RAB8B: variants seen among roughly 807,000 people sequenced by gnomAD.
RAB8B encodes the protein RAB8B, member RAS oncogene family, also known as ras-related protein Rab-8B.
A neutral mutation model predicts 32.0 loss-of-function variants in RAB8B; 11 were observed. The ratio of observed to expected loss-of-function variants is 0.34; its 90% CI spans 0.22 to 0.57. The LOEUF (loss-of-function observed/expected upper bound fraction) is 0.57. RAB8B is among the 20% of genes least tolerant of loss of function. RAB8B has a pLI of 0.86. For synonymous variants in RAB8B, 103 were observed against 89.6 expected (o/e 1.15, Z -0.85); for missense variants, 190 against 258.5 (o/e 0.73, Z 1.82).
In RAB8B at chr15:63,263,532, C is replaced by T. The variant is rs1567022732; in HGVS notation, c.537C>T (p.Asp179=). ...IMTKLNRKMN[D]SNSAGAGGPV... ...CTTCATCTTCTATTTTTTAGAATGA[C>T]AGCAATTCAGCAGGAGCAGGTGGAC... Residue 179 remains aspartate (D), a synonymous_variant, in exon 8 of 8, where the codon GAC becomes GAT. Coordinates refer to ENST00000321437, the MANE Select transcript of RAB8B (RefSeq NM_016530.3). The T allele has an allele frequency of 1.2e-6, 2 of 1,608,826 alleles. No individual in the cohort carries two copies. Among genetic ancestry groups the T allele is most frequent in the South Asian group, 1.1e-5 (1 of 90,942 alleles).
At chr15:63,240,495 C>T (rs972999509) in intron 1 of RAB8B, among the ~76,000 whole-genome samples, 3 of 152,068 alleles carry the variant, frequency 2.0e-5, no homozygotes, top group Non-Finnish European at 4.4e-5. Context: ...ACAGTTCAGT[C>T]ATTAAACTGA....
chr15:63,251,445 C>G (rs988216735), intron 3 of RAB8B: 1 of 384,390 alleles, frequency 2.6e-6, no homozygotes, highest in African/African-American at 2.1e-5. Context: ...CTCATTTTCA[C>G]TGGAGGGTGG....
At position 63,218,464 on chromosome 15, in the gene RAB8B, C is replaced by A. The variant is rs2141120118; in HGVS notation, c.125-26292C>A. The stretch of plus-strand genomic sequence containing the variant: ...TATCTTGAAGAATATCGTTGGACTC[C>A]ACTATACGGGGTTATCTAATCTGAA... On this transcript the variant is annotated intron_variant, in intron 1 of 7. Transcript: ENST00000321437. 2.0e-5 allele frequency among the ~76,000 whole-genome samples: 3 copies of A among 152,290 alleles called. No individual in the cohort carries two copies. The South Asian group carries it at 6.2e-4, about 32-fold the overall frequency.
chr15:63,243,346 A>G (rs1451771952), intron 1 of RAB8B, among the ~76,000 whole-genome samples: 1 of 152,222 alleles, frequency 6.6e-6, no homozygotes, highest in Non-Finnish European at 1.5e-5. Flanking sequence ...AATCTAAACA[A>G]AGCTGAGTAG....
At chr15:63,239,603 G>C (rs534498656) in intron 1 of RAB8B, among the ~76,000 whole-genome samples, 1 of 151,904 alleles carries the variant, frequency 6.6e-6, no homozygotes, top group African/African-American at 2.4e-5. Context: ...TAGAGTAGGG[G>C]TTTTGCCATG....
intron 3 of RAB8B, among the ~76,000 whole-genome samples, chr15:63,249,933 G>A (rs912534181): frequency 6.6e-6 from 1 of 151,400 alleles, no homozygotes; most frequent in Non-Finnish European, 1.5e-5. Flanking sequence ...TCAGGAGATC[G>A]AGACCATCCT....
At chr15:63,213,944 T>C (rs1164567815) in intron 1 of RAB8B, among the ~76,000 whole-genome samples, 3 of 151,904 alleles carry the variant, frequency 2.0e-5, no homozygotes, top group African/African-American at 7.3e-5. Context: ...AGCTGGGCGT[T>C]GTGGCATGTG....
intron 3 of RAB8B, among the ~76,000 whole-genome samples, chr15:63,253,643 C>A (rs532439088): frequency 6.6e-6 from 1 of 151,326 alleles, no homozygotes; most frequent in East Asian, 1.9e-4. Flanking sequence ...ATAGCGAGAC[C>A]TCATCTCTAA....
intron 5 of RAB8B, among the ~76,000 whole-genome samples, chr15:63,257,626 A>G (rs1381526454): frequency 6.6e-6 from 1 of 152,132 alleles, no homozygotes; most frequent in East Asian, 1.9e-4. Context: ...CCCTAAAAAC[A>G]TTTACTTAAT....
chr15:63,261,633 G>A (rs548567094), intron 6 of RAB8B, among the ~76,000 whole-genome samples: 1 of 152,322 alleles, frequency 6.6e-6, no homozygotes, highest in South Asian at 2.1e-4. Flanking sequence ...CTTTGCCAGA[G>A]CTTTAAATCA....
At chr15:63,208,318 C>T (rs921916949) in intron 1 of RAB8B, among the ~76,000 whole-genome samples, 4 of 152,104 alleles carry the variant, frequency 2.6e-5, no homozygotes, top group East Asian at 1.9e-4. Flanking sequence ...AGAAGAAATA[C>T]AATTTTTAAG....
At chr15:63,238,990 T>C (rs1429212309) in intron 1 of RAB8B, among the ~76,000 whole-genome samples, 1 of 152,188 alleles carries the variant, frequency 6.6e-6, no homozygotes, top group Non-Finnish European at 1.5e-5. Flanking sequence ...CTTCTGGTAT[T>C]GCTGTTGTGG....
intron 1 of RAB8B, among the ~76,000 whole-genome samples, chr15:63,198,843 T>G (rs1321556574): frequency 1.3e-5 from 2 of 152,244 alleles, no homozygotes; most frequent in African/African-American, 2.4e-5. Context: ...GAATGGATAT[T>G]GCAGCATACT....
rs543751430 is a variant in RAB8B at position 63,241,306 on chromosome 15, G to T, written c.125-3450G>T. ...GAAGGTTGCGGTGAGCCAAGATCGC[G>T]CCACTGCACTCCAGCCTGCACAACA... is the stretch of plus-strand genomic sequence containing the variant. On this transcript the variant is annotated intron_variant, in intron 1 of 7. Coordinates refer to ENST00000321437, the MANE Select transcript of RAB8B (RefSeq NM_016530.3). Among the ~76,000 whole-genome samples the T allele has an allele frequency of 3.4e-3, 518 of 152,256 alleles. 2 individuals carry two copies. The highest frequency in any genetic ancestry group is 5.5e-3 in the Non-Finnish European group (377 of 68,018).
chr15:63,210,390 C>T (rs1046454532), intron 1 of RAB8B, among the ~76,000 whole-genome samples: 1 of 152,226 alleles, frequency 6.6e-6, no homozygotes, highest in African/African-American at 2.4e-5. Flanking sequence ...AATGTTTCCT[C>T]AATGAATTTC....
At chr15:63,241,289 C>T (rs1265334685) in intron 1 of RAB8B, among the ~76,000 whole-genome samples, 2 of 152,116 alleles carry the variant, frequency 1.3e-5, no homozygotes, top group East Asian at 1.9e-4. Context: ...GCGAAGGTTG[C>T]GGTGAGCCAA....
chr15:63,203,050 TC>T (rs999299805), intron 1 of RAB8B, among the ~76,000 whole-genome samples: 2 of 152,236 alleles, frequency 1.3e-5, no homozygotes, highest in African/African-American at 4.8e-5. Flanking sequence ...GCTGAGGGCC[TC>T]TTGGAGGCAG....
intron 1 of RAB8B, among the ~76,000 whole-genome samples, chr15:63,236,107 GGACT>G (rs1161293677): frequency 6.6e-6 from 1 of 152,174 alleles, no homozygotes; most frequent in Non-Finnish European, 1.5e-5. Flanking sequence ...CACACAGACA[GGACT>G]GAACTAAATG....
intron 2 of RAB8B, among the ~76,000 whole-genome samples, chr15:63,247,210 CT>C (rs1278730448): frequency 2.0e-5 from 3 of 152,168 alleles, no homozygotes; most frequent in African/African-American, 7.2e-5. Context: ...GCACTAATCC[CT>C]TTCACAACGG....
Sources: allele counts gnomAD v4.1 joint callset (sites outside exome capture counted in the v4.1 genomes callset), GRCh38; gene constraint gnomAD v4.1.1; transcripts MANE v1.5; gene names NCBI Gene and HGNC (gene_info 2026-07-23, HGNC 2026-07-21).